C3orf38: variants seen among roughly 807,000 people sequenced by gnomAD.
C3orf38 encodes the protein uncharacterized protein C3orf38.
In C3orf38, 18 loss-of-function variants were observed where a neutral mutation model predicts 28.3. The ratio of observed to expected loss-of-function variants is 0.64; its 90% CI spans 0.44 to 0.94. The LOEUF (loss-of-function observed/expected upper bound fraction) is 0.94. Among genes scored for constraint, C3orf38 ranks in the 40% least tolerant of loss-of-function variants. The probability of loss-of-function intolerance (pLI) is 0.00; values close to 1 mark genes in which losing one functional copy is unlikely to be tolerated. For missense variants in C3orf38, 364 were observed against 396.4 expected (o/e 0.92, Z 0.69); for synonymous variants, 145 against 138.1 (o/e 1.05, Z -0.35).
At chr3:88,150,281 C>T (rs1300278794) in intron 1 of C3orf38, 96 bp downstream of exon 1, 1 of 1,429,348 alleles carries the variant, frequency 7.0e-7, no homozygotes, top group African/African-American at 1.4e-5. Context: ...TGGCCGCAGC[C>T]GCAGATCCAC....
chr3:88,155,629 T>G (rs978532390), intron 2 of C3orf38, among the ~76,000 whole-genome samples: 2 of 151,972 alleles, frequency 1.3e-5, no homozygotes, highest in Non-Finnish European at 2.9e-5. Flanking sequence ...CGGCTAATTT[T>G]TGTATTTTTA....
chr3:88,150,215 G>T (rs763500225), intron 1 of C3orf38, 30 bp downstream of exon 1: 1 of 1,610,974 alleles, frequency 6.2e-7, no homozygotes, highest in East Asian at 2.2e-5. Flanking sequence ...CTAGAAGGCT[G>T]CCGCCCCTTC....
chr3:88,151,819 T>C (rs2080771101), intron 1 of C3orf38, among the ~76,000 whole-genome samples: 1 of 152,166 alleles, frequency 6.6e-6, no homozygotes, highest in African/African-American at 2.4e-5. Flanking sequence ...AACTATATAC[T>C]GTATATGGAT....
At position 88,153,572 on chromosome 3, in the gene C3orf38, T is replaced by G. The variant is rs531090675; in HGVS notation, c.375+101T>G. 3 of 1,348,142 alleles carry G rather than the reference T, an allele frequency of 2.2e-6. No homozygotes were observed. In the Admixed American group the frequency reaches 7.6e-5, roughly 34 times the overall value. 83.5% of individuals were successfully genotyped at this position (1,348,142 alleles called of 1,614,324 possible). ...AACATGGTTAATAATGTTTGTGGGG[T>G]TTTTTTATTTTTATTTTTTAAGAGA... On this transcript the variant is annotated intron_variant, in intron 2 of 2. Transcript: ENST00000318887.
At chr3:88,154,427 A>G (rs1464447477) in intron 2 of C3orf38, among the ~76,000 whole-genome samples, 1 of 151,980 alleles carries the variant, frequency 6.6e-6, no homozygotes, top group Non-Finnish European at 1.5e-5. Flanking sequence ...TCTCCAGCGG[A>G]CATTGGCTGT....
rs1465809144 is a variant in C3orf38, at chr3:88,157,176, TA to T, written c.*543del. 6.6e-6 allele frequency: 1 copy of T among 152,238 alleles called. No homozygotes were observed. Among genetic ancestry groups the T allele is most frequent in the East Asian group, 1.9e-4 (1 of 5,210 alleles). The allele number at this position is 152,238 out of a possible 1,614,324, so 9.4% of individuals were successfully genotyped here. ...AAGTTCTCATTTTAGAAAATTTAAA[TA>T]ACATTCTTTTTGCAAAAAAGTCCAA... On this transcript the variant is annotated 3_prime_UTR_variant, in exon 3 of 3. Transcript: ENST00000318887.
Position 88,156,060 on chromosome 3 carries a change from C to T in C3orf38, c.415C>T (p.Arg139Cys), listed in dbSNP as rs756172749. The T allele has an allele frequency of 8.4e-6, 13 of 1,553,668 alleles. No individual in the cohort carries two copies. The highest frequency in any genetic ancestry group is 4.9e-5 in the South Asian group (4 of 82,198). ...EDKKAEKVDF[R>C]RLGEEFCHWF... ...TAAAAAAGCTGAAAAAGTTGATTTTCGTCGCCTAGGAGAAGAATTCTGTCA... is the reference window on the plus strand; with the variant it reads ...TAAAAAAGCTGAAAAAGTTGATTTTTGTCGCCTAGGAGAAGAATTCTGTCA... Residue 139 changes from arginine to cysteine, a missense_variant, in exon 3 of 3, where the codon CGT becomes TGT. Transcript: ENST00000318887.
At position 88,156,361 on chromosome 3, in the gene C3orf38, C is replaced by G. The variant is rs780565144; in HGVS notation, c.716C>G (p.Thr239Ser). 6 of 1,614,198 alleles carry G rather than the reference C, an allele frequency of 3.7e-6. No individual in the cohort carries two copies. Among genetic ancestry groups the G allele is most frequent in the Middle Eastern group, 1.6e-4 (1 of 6,062 alleles). ...HGLVMVGVAGTVHRGNTCLGI... is the reference protein window; with the variant it reads ...HGLVMVGVAGSVHRGNTCLGI... ...CTGGTTATGGTTGGAGTTGCTGGGACTGTCCATCGAGGAAACACTTGTTTG... is the reference window on the plus strand; with the variant it reads ...CTGGTTATGGTTGGAGTTGCTGGGAGTGTCCATCGAGGAAACACTTGTTTG... The change falls in exon 3 of 3, where the codon ACT becomes AGT. Residue 239 changes from threonine to serine, a missense_variant. Thr to Ser is a moderately conservative substitution (Grantham distance 58). Coordinates refer to ENST00000318887, the MANE Select transcript of C3orf38 (RefSeq NM_173824.4).
intron 2 of C3orf38, among the ~76,000 whole-genome samples, chr3:88,155,461 A>ATT (rs766206253): frequency 0.014 from 700 of 48,834 alleles, 4 homozygotes; most frequent in African/African-American, 0.032. Flanking sequence ...GTTCATACTG[A>ATT]TTTTTTTTTT....
intron 2 of C3orf38, among the ~76,000 whole-genome samples, chr3:88,153,681 C>T (rs564745710): frequency 5.9e-5 from 9 of 152,004 alleles, no homozygotes; most frequent in Non-Finnish European, 1.2e-4. Context: ...AAGTGTTCTG[C>T]CCACCTCTGT....
chr3:88,150,758 A>C (rs1414911703), intron 1 of C3orf38: 1 of 152,198 alleles, frequency 6.6e-6, no homozygotes, highest in African/African-American at 2.4e-5. Context: ...GTCCATATAA[A>C]AATGTAAAGC....
At chr3:88,153,506 T>G in intron 2 of C3orf38, 35 bp downstream of exon 2, 1 of 1,605,590 alleles carries the variant, frequency 6.2e-7, no homozygotes. Context: ...TCTGAACCTT[T>G]GTTCTGTCTG....
Position 88,156,026 on chromosome 3 carries a change from G to T in C3orf38, c.381G>T (p.Val127=). 1 of 1,534,038 alleles carries T rather than the reference G, an allele frequency of 6.5e-7. No homozygotes were observed. ...TEDIHLFQQQ[V]KEDKKAEKVD... ...ATTTTATTTGTTTCAATCAGCAGGT[G>T]AAAGAAGATAAAAAAGCTGAAAAAG... Residue 127 remains valine (V), a synonymous_variant, in exon 3 of 3, where the codon GTG becomes GTT. Transcript: ENST00000318887.
At chr3:88,152,754 CAAAAAAAA>C (rs5850832) in intron 1 of C3orf38, among the ~76,000 whole-genome samples, 1 of 100,988 alleles carries the variant, frequency 9.9e-6, no homozygotes, top group Admixed American at 1.0e-4. Context: ...GACTCCGTCT[CAAAAAAAA>C]AAAAAAAAAA....
At chr3:88,155,447 G>T (rs200861109) in intron 2 of C3orf38, among the ~76,000 whole-genome samples, 2 of 18,440 alleles carry the variant, frequency 1.1e-4, no homozygotes, top group Admixed American at 7.0e-4. Context: ...TTTTATATAT[G>T]ACTGTTCATA....
In C3orf38 at chr3:88,153,287, G is replaced by A; in HGVS notation, c.191G>A (p.Arg64Lys). ...AGTGCAGAAGAACTTCTGAGGCGTA[G>A]AAAAGTCCACCGAGAAGTTATATTT... The part of the protein sequence containing the change: ...SQSAEELLRR[R>K]KVHREVIFKY... Residue 64 changes from arginine to lysine, a missense_variant, in exon 2 of 3, where the codon AGA becomes AAA. Arg to Lys is a conservative substitution (Grantham distance 26, BLOSUM62 2). Transcript: ENST00000318887. 6.2e-7 allele frequency: 1 copy of A among 1,613,352 alleles called. No homozygotes were observed. The highest frequency in any genetic ancestry group is 8.5e-7 in the Non-Finnish European group (1 of 1,179,782).
chr3:88,154,476 A>G (rs903883128), intron 2 of C3orf38, among the ~76,000 whole-genome samples: 6 of 151,998 alleles, frequency 3.9e-5, no homozygotes, highest in African/African-American at 1.2e-4. Flanking sequence ...CATTTTAGAT[A>G]CTGCACAAAT....
intron 2 of C3orf38, among the ~76,000 whole-genome samples, 183 bp from the exon 3 acceptor site, chr3:88,155,838 A>G (rs1322362690): frequency 1.3e-5 from 2 of 152,206 alleles, no homozygotes; most frequent in Non-Finnish European, 2.9e-5. Flanking sequence ...GGAAATTTCT[A>G]AAATGATTTT....
intron 1 of C3orf38, 21 bp from the exon 2 acceptor site, chr3:88,153,209 A>G (rs570012536): frequency 1.9e-6 from 3 of 1,593,744 alleles, no homozygotes; most frequent in Admixed American, 1.8e-5. Context: ...TTTTTTATTA[A>G]TCTTTGCAAT....
Sources: gnomAD v4.1 joint callset for allele counts (sites outside exome capture counted in the v4.1 genomes callset) on GRCh38, gnomAD v4.1.1 for gene constraint, MANE v1.5 for transcripts, NCBI Gene and HGNC (gene_info 2026-07-23, HGNC 2026-07-21) for gene names.